The following N4BP1 variants were observed in gnomAD, a reference collection of about 807,000 sequenced individuals.
N4BP1 encodes NEDD4-binding protein 1.
N4BP1 carries 21 observed loss-of-function variants against 70.9 expected under a neutral mutation model. The ratio of observed to expected loss-of-function variants is 0.30; its 90% CI spans 0.21 to 0.43. N4BP1 has a LOEUF of 0.43. Among genes scored for constraint, N4BP1 ranks in the 20% least tolerant of loss-of-function variants. N4BP1 has a pLI of 1.00. For missense variants in N4BP1, 936 were observed against 1,069.4 expected (o/e 0.88, Z 1.74); for synonymous variants, 387 against 394.6 (o/e 0.98, Z 0.23).
intron 1 of N4BP1, among the ~76,000 whole-genome samples, chr16:48,593,275 G>A (rs945533476): frequency 9.9e-5 from 15 of 152,178 alleles, no homozygotes; most frequent in African/African-American, 2.7e-4. Context: ...GTTTTTCACC[G>A]AAAGTAAAAG....
intron 1 of N4BP1, among the ~76,000 whole-genome samples, chr16:48,590,568 A>G (rs1964321541): frequency 6.6e-6 from 1 of 152,218 alleles, no homozygotes; most frequent in African/African-American, 2.4e-5. Context: ...CAATGGATCC[A>G]GAGGCCAGCC....
At chr16:48,553,395 T>G in intron 3 of N4BP1, 144 bp downstream of exon 3, 1 of 669,796 alleles carries the variant, frequency 1.5e-6, no homozygotes, top group Non-Finnish European at 2.2e-6. Context: ...CAATTGATGT[T>G]TTGCTAGGTG....
intron 1 of N4BP1, among the ~76,000 whole-genome samples, chr16:48,598,821 A>G (rs762409425): frequency 3.3e-5 from 5 of 152,132 alleles, no homozygotes; most frequent in Non-Finnish European, 5.9e-5. Context: ...AAACTCCTTG[A>G]TATAGGAGTC....
chr16:48,585,989 C>A (rs1464219226), intron 1 of N4BP1, among the ~76,000 whole-genome samples: 2 of 152,166 alleles, frequency 1.3e-5, no homozygotes, highest in African/African-American at 2.4e-5. Flanking sequence ...AGCCACTGCG[C>A]CCGGCCAAAC....
chr16:48,587,769 G>A (rs1341873569), intron 1 of N4BP1, among the ~76,000 whole-genome samples: 2 of 152,214 alleles, frequency 1.3e-5, no homozygotes, highest in Non-Finnish European at 2.9e-5. Context: ...AACAAGAACT[G>A]TAGTTCATGT....
Position 48,546,196 on chromosome 16 carries a change from T to C in N4BP1, c.2284A>G (p.Arg762Gly). 6.2e-7 allele frequency: 1 copy of C among 1,613,368 alleles called. No homozygotes were observed. The highest frequency in any genetic ancestry group is 8.5e-7 in the Non-Finnish European group (1 of 1,179,640). ...IFMVPDDPLGRSGPRLEEFLQ... is the reference protein window; with the variant it reads ...IFMVPDDPLGGSGPRLEEFLQ... ...AACTCCTCTAATCGAGGTCCACTTC[T>C]TCCCAGAGGATCATCGGGAACCATA... The change falls in exon 6 of 7, where the codon AGA (arginine) becomes GGA (glycine). Residue 762 changes from arginine to glycine, a missense_variant. Coordinates refer to ENST00000262384, the MANE Select transcript of N4BP1 (RefSeq NM_153029.4).
intron 1 of N4BP1, among the ~76,000 whole-genome samples, chr16:48,566,903 G>A (rs562842074): frequency 1.3e-5 from 2 of 152,306 alleles, no homozygotes; most frequent in Admixed American, 1.3e-4. Flanking sequence ...GGAATATAAA[G>A]ATTTAGCACT....
At chr16:48,608,345 T>C (rs993838618) in intron 1 of N4BP1, among the ~76,000 whole-genome samples, 6 of 152,116 alleles carry the variant, frequency 3.9e-5, no homozygotes, top group African/African-American at 1.4e-4. Context: ...CACAGCTGAG[T>C]GCCCCGTCTC....
At position 48,546,028 on chromosome 16, in the gene N4BP1, A is replaced by AG. The variant is rs57931869; in HGVS notation, c.2333+118_2333+119insC. The AG allele has an allele frequency of 2.2e-5, 3 of 135,366 alleles. No individual in the cohort carries two copies. The African/African-American group carries it at 2.3e-4, about 11-fold the overall frequency. The allele number at this position is 135,366 out of a possible 1,614,324, so 8.4% of individuals were successfully genotyped here. ...CGGTGACAGAGGAAGACCTTGTCTC[A>AG]AAAAAAAAAAAAATAATTTTTTTAA... On this transcript the variant is annotated intron_variant, in intron 6 of 6. Transcript: ENST00000262384.
intron 3 of N4BP1, among the ~76,000 whole-genome samples, chr16:48,552,334 A>C (rs1963680434): frequency 6.6e-6 from 1 of 152,070 alleles, no homozygotes; most frequent in Admixed American, 6.5e-5. Context: ...TCAGGGCCTG[A>C]GATTCCCACA....
Position 48,560,926 on chromosome 16 carries a change from A to T in N4BP1, c.1717T>A (p.Ser573Thr), listed in dbSNP as rs771937642. ...PPMPLPQLLP[S>T]VTDARSAGPS... is the part of the protein sequence containing the mutation. Reference sequence around the variant, plus strand: ...CCTGCCGACCTTGCATCAGTAACCGAAGGTAACAGCTGGGGCAGTGGCATT... The same window carrying T: ...CCTGCCGACCTTGCATCAGTAACCGTAGGTAACAGCTGGGGCAGTGGCATT... Residue 573 changes from serine to threonine, a missense_variant, in exon 2 of 7, where the codon TCG becomes ACG. By Grantham distance (58) the Ser-to-Thr change is moderately conservative. Around this residue, in one of 4 missense-constraint regions of N4BP1, gnomAD observed 515 missense variants for 491.7 expected, o/e 1.05. Transcript: ENST00000262384. 5.0e-6 allele frequency: 8 copies of T among 1,614,004 alleles called. No individual in the cohort carries two copies. Among genetic ancestry groups the T allele is most frequent in the African/African-American group, 1.3e-5 (1 of 75,044 alleles).
chr16:48,547,560 A>G (rs115272792), intron 5 of N4BP1, among the ~76,000 whole-genome samples: 2,066 of 152,366 alleles, frequency 0.014, 42 homozygotes, highest in African/African-American at 0.047. Flanking sequence ...AAAAGTGGAA[A>G]TATTCTCTCC....
At chr16:48,595,456 C>CAAAAAAAAAAA (rs373163833) in intron 1 of N4BP1, among the ~76,000 whole-genome samples, 1 of 57,490 alleles carries the variant, frequency 1.7e-5, no homozygotes, top group Non-Finnish European at 3.3e-5. Context: ...GACTCTGTCT[C>CAAAAAAAAAAA]AAAAAAAAAA....
In N4BP1 at chr16:48,602,990, A is replaced by G. The variant is rs1427478394; in HGVS notation, c.198+6785T>C. ...GAGCCAAACCCTATCTCACACACAC[A>G]CACGCACGCACACGCATAGAAAAAT... is the stretch of plus-strand genomic sequence containing the variant. On this transcript the variant is annotated intron_variant, in intron 1 of 6. Coordinates refer to ENST00000262384, the MANE Select transcript of N4BP1 (RefSeq NM_153029.4). Among the ~76,000 whole-genome samples, 4 of 151,916 alleles carry G rather than the reference A, an allele frequency of 2.6e-5. No homozygotes were observed. In the East Asian group the frequency reaches 7.7e-4, roughly 29 times the overall value.
intron 1 of N4BP1, among the ~76,000 whole-genome samples, chr16:48,562,713 G>C (rs1442477142): frequency 6.6e-6 from 1 of 152,168 alleles, no homozygotes; most frequent in Non-Finnish European, 1.5e-5. Context: ...TTAGGGATTT[G>C]CTGAGCTACA....
intron 1 of N4BP1, among the ~76,000 whole-genome samples, chr16:48,593,934 G>A (rs939742466): frequency 6.7e-6 from 1 of 149,610 alleles, no homozygotes; most frequent in Non-Finnish European, 1.5e-5. Flanking sequence ...ACCAGTAGGC[G>A]GAGGTTGCAG....
chr16:48,553,777 A>G (rs1963709964), intron 2 of N4BP1, 108 bp from the exon 3 acceptor site: 4 of 975,054 alleles, frequency 4.1e-6, no homozygotes, highest in Non-Finnish European at 4.2e-6. Flanking sequence ...GTAAGAACAA[A>G]GTTTCCTTTA....
At chr16:48,565,795 G>A (rs1963934673) in intron 1 of N4BP1, among the ~76,000 whole-genome samples, 2 of 152,138 alleles carry the variant, frequency 1.3e-5, no homozygotes, top group Admixed American at 1.3e-4. Flanking sequence ...TTATCAATTC[G>A]ATTTCCTTAA....
intron 1 of N4BP1, among the ~76,000 whole-genome samples, chr16:48,575,022 CA>C (rs1296502404): frequency 1.3e-5 from 2 of 152,164 alleles, no homozygotes; most frequent in African/African-American, 4.8e-5. Context: ...AAGAGCTGTG[CA>C]AAATGCTTAT....
Sources: allele counts gnomAD v4.1 joint callset (sites outside exome capture counted in the v4.1 genomes callset), GRCh38; gene constraint gnomAD v4.1.1; regional missense constraint gnomAD v4.1.1; transcripts MANE v1.5; gene names NCBI Gene and HGNC (gene_info 2026-07-23, HGNC 2026-07-21).